Variants in HS3ST6 observed in about 807,000 individuals in gnomAD.
HS3ST6 encodes heparan sulfate glucosamine 3-O-sulfotransferase 6.
HS3ST6 carries 13 observed loss-of-function variants against 11.0 expected under a neutral mutation model. The ratio of observed to expected loss-of-function variants is 1.18; its 90% CI spans 0.77 to 1.88. The LOEUF is 1.88. Among genes scored for constraint, HS3ST6 ranks in the 40% most tolerant of loss-of-function variants. The pLI, the probability that HS3ST6 is intolerant of heterozygous loss-of-function variation, is 0.00. For missense variants in HS3ST6, 541 were observed against 494.4 expected (o/e 1.09, Z -0.89); for synonymous variants, 232 against 230.6 (o/e 1.01, Z -0.06).
Position 1,912,180 on chromosome 16 carries a change from C to T in HS3ST6, c.439G>A (p.Gly147Arg). 1 of 1,453,418 alleles carries T rather than the reference C, an allele frequency of 6.9e-7. No individual in the cohort carries two copies. The highest frequency in any genetic ancestry group is 9.1e-7 in the Non-Finnish European group (1 of 1,103,746). 90.0% of individuals were successfully genotyped at this position (1,453,418 alleles called of 1,614,324 possible). The change falls in exon 2 of 2, where the codon GGG becomes AGG. Residue 147 changes from glycine (G) to arginine (R), a missense_variant. Physicochemically the swap from Gly to Arg is moderately radical, Grantham distance 125 (BLOSUM62 -2). Transcript: ENST00000454677. This position sits in a 1 kb window ranked among gnomAD's most constrained non-coding sequence, Gnocchi z 5.6. ...GGGGTCTTCTCCATGGTGATCTGCC[C>T]ATCCAGGGTTCGGGGCATCAGACTC... is the stretch of plus-strand genomic sequence containing the variant. ...YRSLMPRTLD[G>R]QITMEKTPSY...
chr16:1,917,996 G>GA lies in HS3ST6; in HGVS notation c.327dup (p.Leu110SerfsTer13). On this transcript the variant is annotated frameshift_variant, in exon 1 of 2. Coordinates refer to ENST00000454677, the MANE Select transcript of HS3ST6 (RefSeq NM_001009606.4). LOFTEE classifies it high-confidence loss of function. ...GCGCGGACGTCGGGGTGCAGCCGCA[G>GA]AAACTCCAGCAGGGCGCGCGTGCCG... The GA allele has an allele frequency of 6.4e-7, 1 of 1,553,114 alleles. No individual in the cohort carries two copies. Among genetic ancestry groups the GA allele is most frequent in the Non-Finnish European group, 8.6e-7 (1 of 1,158,934 alleles).
At chr16:1,916,070 G>T (rs1243470755) in intron 1 of HS3ST6, among the ~76,000 whole-genome samples, 1 of 80,458 alleles carries the variant, frequency 1.2e-5, no homozygotes, top group Non-Finnish European at 2.7e-5. Flanking sequence ...CTGAGACAGG[G>T]TGAGAACTTT....
At position 1,911,934 on chromosome 16, in the gene HS3ST6, C is replaced by A. The variant is rs549395933; in HGVS notation, c.685G>T (p.Ala229Ser). Residue 229 changes from alanine to serine, a missense_variant, in exon 2 of 2, where the codon GCC becomes TCC. Transcript: ENST00000454677. The part of the protein sequence containing the change: ...AWSAVRIGLY[A>S]QHLDHWLRYF... ...CGCAGCCAGTGGTCCAGGTGCTGGG[C>A]GTACAGGCCGATGCGGACGGCGCTC... is the stretch of plus-strand genomic sequence containing the variant. The A allele has an allele frequency of 5.6e-6, 9 of 1,594,430 alleles. No homozygotes were observed. Among genetic ancestry groups the A allele is most frequent in the African/African-American group, 5.4e-5 (4 of 74,552 alleles).
chr16:1,911,766 C>G lies in HS3ST6; in HGVS notation c.853G>C (p.Gly285Arg). The G allele has an allele frequency of 6.2e-7, 1 of 1,613,808 alleles. No homozygotes were observed. Among genetic ancestry groups the G allele is most frequent in the Non-Finnish European group, 8.5e-7 (1 of 1,179,834 alleles). The change falls in exon 2 of 2, where the codon GGC becomes CGC. Residue 285 changes from glycine (G) to arginine (R), a missense_variant. By Grantham distance (125) the Gly-to-Arg change is moderately radical. Coordinates refer to ENST00000454677, the MANE Select transcript of HS3ST6 (RefSeq NM_001009606.4). ...DKHFYFNATK[G>R]FPCLKKAQGG... ...TGGGCCTTCTTGAGGCAGGGGAAGC[C>G]CTTGGTGGCGTTGAAGTAGAAGTGC... is the stretch of plus-strand genomic sequence containing the variant.
At position 1,912,212 on chromosome 16, in the gene HS3ST6, G is replaced by T; in HGVS notation, c.414-7C>A. The T allele has an allele frequency of 7.1e-7, 1 of 1,410,054 alleles. No homozygotes were observed. The highest frequency in any genetic ancestry group is 9.2e-7 in the Non-Finnish European group (1 of 1,081,086). 87.3% of individuals were successfully genotyped at this position (1,410,054 alleles called of 1,614,324 possible). A position where few individuals can be genotyped will look rare whatever the true frequency, so the allele number is the denominator to read the frequency against. ...GGTTCGGGGCATCAGACTCCTGCGG[G>T]ACGGGTGCAAGGAGAGGGGGCCTGA... On this transcript the variant is annotated splice_polypyrimidine_tract_variant and splice_region_variant and intron_variant, in intron 1 of 1. Transcript: ENST00000454677. This position sits in a 1 kb window ranked among gnomAD's most constrained non-coding sequence, Gnocchi z 5.6.
Position 1,911,614 on chromosome 16 carries a change from C to G in HS3ST6, c.1005G>C (p.Thr335=). The G allele has an allele frequency of 6.2e-7, 1 of 1,606,426 alleles. No homozygotes were observed. Residue 335 remains threonine, a synonymous_variant, in exon 2 of 2, where the codon ACG becomes ACC. Transcript: ENST00000454677. ...CTCAGCCCCAGCCGAAGTCCTGGCC[C>G]GTCATCTGGTAGAACCTGCGGTTGA... ...RPFNRRFYQM[T]GQDFGWG is the part of the protein sequence containing the mutation.
At chr16:1,913,257 T>C (rs942241442) in intron 1 of HS3ST6, among the ~76,000 whole-genome samples, 26 of 152,162 alleles carry the variant, frequency 1.7e-4, no homozygotes, top group Non-Finnish European at 1.2e-4. Context: ...TGTGGCCCCC[T>C]AGATCTTGCA....
At position 1,911,971 on chromosome 16, in the gene HS3ST6, C is replaced by T. The variant is rs1310129481; in HGVS notation, c.648G>A (p.Val216=). The part of the protein sequence containing the change: ...ALAFRHGLGP[V]DTAWSAVRIG... ...TGCGGACGGCGCTCCAGGCTGTGTCCACGGGGCCCAGGCCGTGGCGGAAGG... is the reference window on the plus strand; with the variant it reads ...TGCGGACGGCGCTCCAGGCTGTGTCTACGGGGCCCAGGCCGTGGCGGAAGG... The change falls in exon 2 of 2, where the codon GTG becomes GTA. Residue 216 remains valine (V), a synonymous_variant. Coordinates refer to ENST00000454677, the MANE Select transcript of HS3ST6 (RefSeq NM_001009606.4). 6.4e-7 allele frequency: 1 copy of T among 1,557,352 alleles called. No homozygotes were observed. The highest frequency in any genetic ancestry group is 8.7e-7 in the Non-Finnish European group (1 of 1,151,108).
intron 1 of HS3ST6, 76 bp downstream of exon 1, chr16:1,917,835 G>C: frequency 1.7e-6 from 2 of 1,144,448 alleles, no homozygotes; most frequent in Non-Finnish European, 2.3e-6. Context: ...GCAGGATATC[G>C]TGCCGCTGCT....
chr16:1,915,891 G>C lies in HS3ST6; in HGVS notation c.413+2020C>G, dbSNP rs556259698. Among the ~76,000 whole-genome samples, 625 of 144,090 alleles carry C rather than the reference G, an allele frequency of 4.3e-3. 4 individuals carry two copies. Among genetic ancestry groups the C allele is most frequent in the Non-Finnish European group, 5.2e-3 (340 of 65,190 alleles). 94.5% of individuals were successfully genotyped at this position (144,090 alleles called of 152,430 possible). ...CCACAGGAAGGCCGGGTCACCGCCT[G>C]GAACTAGGTCGGTCACAGCCCAGTG... On this transcript the variant is annotated intron_variant, in intron 1 of 1. Coordinates refer to ENST00000454677, the MANE Select transcript of HS3ST6 (RefSeq NM_001009606.4).
At chr16:1,913,495 G>T (rs900322210) in intron 1 of HS3ST6, among the ~76,000 whole-genome samples, 4 of 152,214 alleles carry the variant, frequency 2.6e-5, no homozygotes, top group African/African-American at 9.6e-5. Flanking sequence ...AGTGCAGGGT[G>T]AGGTTGGGCA....
chr16:1,915,670 G>A (rs1374401935), intron 1 of HS3ST6, among the ~76,000 whole-genome samples: 1 of 152,240 alleles, frequency 6.6e-6, no homozygotes, highest in Non-Finnish European at 1.5e-5. Flanking sequence ...TGGGGAGTCT[G>A]CGTGACCCCC....
intron 1 of HS3ST6, among the ~76,000 whole-genome samples, chr16:1,914,299 C>G (rs554564423): frequency 1.3e-5 from 2 of 152,168 alleles, no homozygotes; most frequent in Non-Finnish European, 2.9e-5. Flanking sequence ...TGGGTGGTGG[C>G]GGTACCAAGG....
intron 1 of HS3ST6, among the ~76,000 whole-genome samples, chr16:1,914,019 C>T (rs2082909772): frequency 3.3e-5 from 5 of 152,194 alleles, no homozygotes; most frequent in Admixed American, 2.0e-4. Context: ...ACAAGTCCTC[C>T]TCCGTCTTGG....
In HS3ST6 at chr16:1,918,248, G is replaced by T; in HGVS notation, c.76C>A (p.Arg26=). 2.0e-6 allele frequency: 2 copies of T among 1,016,950 alleles called. No homozygotes were observed. The highest frequency in any genetic ancestry group is 2.3e-6 in the Non-Finnish European group (2 of 851,850). The allele number at this position is 1,016,950 out of a possible 1,614,324, so 63.0% of individuals were successfully genotyped here. The part of the protein sequence containing the change: ...GAGAGQGAAL[R]ASRAPMLLVA... ...AGCAGCATCGGCGCGCGGGACGCCCGCAGAGCGGCCCCTTGCCCGGCCCCT... is the reference window on the plus strand; with the variant it reads ...AGCAGCATCGGCGCGCGGGACGCCCTCAGAGCGGCCCCTTGCCCGGCCCCT... The change falls in exon 1 of 2, where the codon CGG becomes AGG. Residue 26 remains arginine (R), a synonymous_variant. Transcript: ENST00000454677. The surrounding 1 kb of genome is among the most constrained non-coding windows in gnomAD (Gnocchi z 6.0).
At position 1,911,791 on chromosome 16, in the gene HS3ST6, C is replaced by T. The variant is rs1442165825; in HGVS notation, c.828G>A (p.Lys276=). 3.7e-6 allele frequency: 6 copies of T among 1,613,772 alleles called. No homozygotes were observed. In the African/African-American group the frequency reaches 4.0e-5, roughly 11 times the overall value. ...FLGLKRVVTD[K]HFYFNATKGF... ...CCTTGGTGGCGTTGAAGTAGAAGTG[C>T]TTGTCCGTGACGACCCGTTTCAGGC... Residue 276 remains lysine, a synonymous_variant, in exon 2 of 2, where the codon AAG becomes AAA. Coordinates refer to ENST00000454677, the MANE Select transcript of HS3ST6 (RefSeq NM_001009606.4).
At chr16:1,920,516 G>A (rs1614496), upstream of HS3ST6, among the ~76,000 whole-genome samples, 2 of 151,834 alleles carry the variant, frequency 1.3e-5, no homozygotes, top group South Asian at 4.2e-4. Context: ...CACTGGTTCC[G>A]TGATGGCTCC....
chr16:1,919,598 T>C (rs1010217414), upstream of HS3ST6, among the ~76,000 whole-genome samples: 12 of 152,232 alleles, frequency 7.9e-5, no homozygotes, highest in Non-Finnish European at 2.9e-5. Flanking sequence ...TTGCGGCCCC[T>C]GTCCTGGGCT....
At chr16:1,914,282 G>C (rs1303455365) in intron 1 of HS3ST6, among the ~76,000 whole-genome samples, 1 of 152,166 alleles carries the variant, frequency 6.6e-6, no homozygotes, top group Non-Finnish European at 1.5e-5. Context: ...GACAAACACA[G>C]AGGCCTTGGG....
Sources: gnomAD v4.1 joint callset for allele counts (sites outside exome capture counted in the v4.1 genomes callset) on GRCh38, gnomAD v4.1.1 for gene constraint, Gnocchi (gnomAD v3.1) non-coding constraint, MANE v1.5 for transcripts, NCBI Gene and HGNC (gene_info 2026-07-23, HGNC 2026-07-21) for gene names.